The following CNBD1 variants were observed in gnomAD, a reference collection of about 807,000 sequenced individuals.
CNBD1 encodes cyclic nucleotide-binding domain-containing protein 1.
In CNBD1, 71 loss-of-function variants were observed where a neutral mutation model predicts 54.4. That is an observed-to-expected ratio of 1.30 (90% CI 1.08 to 1.59). The LOEUF (loss-of-function observed/expected upper bound fraction) is 1.59, where lower values mean the gene tolerates loss of function less well. CNBD1 is among the 40% of genes most tolerant of loss of function. The probability of loss-of-function intolerance (pLI) is 0.00; values close to 1 mark genes in which losing one functional copy is unlikely to be tolerated. For missense variants in CNBD1, 659 were observed against 518.0 expected, an observed-to-expected ratio of 1.27 and a Z score of -2.64; for synonymous variants, 182 against 170.7, an observed-to-expected ratio of 1.07 and a Z score of -0.51.
intron 8 of CNBD1, among the ~76,000 whole-genome samples, chr8:87,320,757 G>A (rs1218182080): frequency 6.6e-6 from 1 of 151,974 alleles, no homozygotes; most frequent in Non-Finnish European, 1.5e-5. Flanking sequence ...CAAATTTTAT[G>A]TGCACATTAC....
chr8:87,422,858 C>A (rs576662130), intron 2 of CNBD1, among the ~76,000 whole-genome samples: 2 of 152,234 alleles, frequency 1.3e-5, no homozygotes, highest in Admixed American at 1.3e-4. Flanking sequence ...TGTAAATTAC[C>A]TTGGGCAGTA....
At chr8:87,180,592 T>A (rs913042231) in intron 4 of CNBD1, among the ~76,000 whole-genome samples, 54 of 152,184 alleles carry the variant, frequency 3.5e-4, no homozygotes, top group Non-Finnish European at 7.2e-4. Context: ...ATATTTTTGT[T>A]ATATATTAAA....
At chr8:86,939,916 A>G (rs1170359628) in intron 4 of CNBD1, 162 bp downstream of exon 4, 3 of 469,504 alleles carry the variant, frequency 6.4e-6, no homozygotes, top group Non-Finnish European at 7.5e-6. Context: ...TTTCTATATA[A>G]ATACAGTCTT....
intron 4 of CNBD1, among the ~76,000 whole-genome samples, chr8:86,970,064 A>G (rs1808186304): frequency 6.6e-6 from 1 of 152,020 alleles, no homozygotes. Context: ...TTTTTGCTGA[A>G]TATAGAATTC....
intron 4 of CNBD1, among the ~76,000 whole-genome samples, chr8:87,106,166 C>T (rs534686084): frequency 0.016 from 2,070 of 129,458 alleles, 51 homozygotes; most frequent in African/African-American, 0.05. Flanking sequence ...TCTTCCTTTC[C>T]ATTCCTTTCC....
At chr8:87,319,961 G>A (rs565748463) in intron 8 of CNBD1, among the ~76,000 whole-genome samples, 11 of 151,942 alleles carry the variant, frequency 7.2e-5, no homozygotes, top group Non-Finnish European at 1.2e-4. Flanking sequence ...TTTGAGAATG[G>A]CACTATTTTA....
intron 4 of CNBD1, among the ~76,000 whole-genome samples, chr8:87,202,024 A>G (rs1813874366): frequency 6.6e-6 from 1 of 152,230 alleles, no homozygotes; most frequent in Non-Finnish European, 1.5e-5. Flanking sequence ...CAAAATAGAC[A>G]TCATTTTGAA....
At chr8:87,348,549 A>G (rs1810219523) in intron 8 of CNBD1, among the ~76,000 whole-genome samples, 1 of 152,180 alleles carries the variant, frequency 6.6e-6, no homozygotes, top group Non-Finnish European at 1.5e-5. Context: ...CTTTACAAGG[A>G]GAGGAATCCA....
downstream of CNBD1, among the ~76,000 whole-genome samples, chr8:87,383,568 A>G (rs756433338): frequency 1.3e-5 from 2 of 151,876 alleles, no homozygotes; most frequent in African/African-American, 2.4e-5. Flanking sequence ...ACTGCTGCCC[A>G]TGCATTTACA....
At chr8:87,066,117 A>G (rs1321674066) in intron 4 of CNBD1, among the ~76,000 whole-genome samples, 1 of 152,038 alleles carries the variant, frequency 6.6e-6, no homozygotes, top group Admixed American at 6.6e-5. Context: ...CATAGTCACA[A>G]TACTAGGTTC....
At chr8:86,904,974 TAGAC>T (rs954057765) in intron 2 of CNBD1, 103 bp from the exon 3 acceptor site, 17 of 450,186 alleles carry the variant, frequency 3.8e-5, no homozygotes, top group African/African-American at 6.0e-5. Context: ...AGTTGCTTCT[TAGAC>T]TAAATAGTAT....
chr8:87,318,942 G>T (rs1472792072), intron 8 of CNBD1, among the ~76,000 whole-genome samples: 1 of 151,956 alleles, frequency 6.6e-6, no homozygotes. Context: ...GAGAGCTAAG[G>T]CTCATCAGAG....
chr8:87,323,819 G>C (rs1384096842), intron 8 of CNBD1, among the ~76,000 whole-genome samples: 2 of 124,416 alleles, frequency 1.6e-5, no homozygotes, highest in South Asian at 4.7e-4. Context: ...GATTGCCCTG[G>C]CCAGAACTTC....
intron 5 of CNBD1, among the ~76,000 whole-genome samples, chr8:87,211,380 T>A (rs1814094877): frequency 2.0e-5 from 3 of 152,146 alleles, no homozygotes; most frequent in African/African-American, 7.2e-5. Context: ...TGAGATGGGA[T>A]AATTTTATTT....
intron 4 of CNBD1, among the ~76,000 whole-genome samples, chr8:87,073,409 A>G (rs1322539802): frequency 6.6e-6 from 1 of 152,062 alleles, no homozygotes; most frequent in African/African-American, 2.4e-5. Context: ...ACATTTTTAC[A>G]TTGATTCGTT....
chr8:87,030,066 T>G (rs1809747801), intron 4 of CNBD1, among the ~76,000 whole-genome samples: 1 of 152,188 alleles, frequency 6.6e-6, no homozygotes, highest in African/African-American at 2.4e-5. Flanking sequence ...GTTTTCAAAA[T>G]TATTGTAATC....
At chr8:87,049,784 T>A (rs1563449543) in intron 4 of CNBD1, among the ~76,000 whole-genome samples, 1 of 152,180 alleles carries the variant, frequency 6.6e-6, no homozygotes, top group Non-Finnish European at 1.5e-5. Flanking sequence ...AGCCAGAGAC[T>A]CCCTTTAGAG....
At chr8:86,999,905 G>A (rs1157937943) in intron 4 of CNBD1, among the ~76,000 whole-genome samples, 1 of 152,174 alleles carries the variant, frequency 6.6e-6, no homozygotes, top group Non-Finnish European at 1.5e-5. Context: ...GTTGCTTAGC[G>A]TGTTGCGCCC....
chr8:87,046,149 T>A (rs1810185894), intron 4 of CNBD1, among the ~76,000 whole-genome samples: 1 of 152,024 alleles, frequency 6.6e-6, no homozygotes, highest in South Asian at 2.1e-4. Context: ...CTAGAGAGTT[T>A]ATGGATTGTT....
Sources: allele counts gnomAD v4.1 joint callset (sites outside exome capture counted in the v4.1 genomes callset), GRCh38; gene constraint gnomAD v4.1.1; transcripts MANE v1.5; gene names NCBI Gene and HGNC (gene_info 2026-07-23, HGNC 2026-07-21).